The following KSR2 variants were observed in gnomAD, a reference collection of about 807,000 sequenced individuals.
KSR2 encodes kinase suppressor of ras 2.
Under a neutral mutation model 107.8 loss-of-function variants are expected in KSR2, and 25 were observed. That is an observed-to-expected ratio of 0.23 (90% CI 0.17 to 0.32). The LOEUF (loss-of-function observed/expected upper bound fraction) is 0.32. Ranked by LOEUF, KSR2 falls within the 10% of genes least tolerant of loss-of-function variation. The pLI is 1.00. For missense variants in KSR2, 887 were observed against 1,268.9 expected (o/e 0.70, Z 4.57); for synonymous variants, 480 against 507.0 (o/e 0.95, Z 0.71).
chr12:117,674,960 AG>A (rs1325936694), intron 4 of KSR2, among the ~76,000 whole-genome samples: 1 of 152,064 alleles, frequency 6.6e-6, no homozygotes, highest in East Asian at 1.9e-4. Flanking sequence ...TCTCTACCTC[AG>A]GGCCTTTGCA....
chr12:117,733,676 T>G (rs1887820339), intron 4 of KSR2, among the ~76,000 whole-genome samples: 1 of 152,172 alleles, frequency 6.6e-6, no homozygotes, highest in African/African-American at 2.4e-5. Context: ...CTTCAGAACA[T>G]TGTTCCTGGC....
intron 4 of KSR2, among the ~76,000 whole-genome samples, chr12:117,679,829 A>C (rs1175217142): frequency 6.6e-6 from 1 of 152,180 alleles, no homozygotes; most frequent in African/African-American, 2.4e-5. Context: ...CTATGGGCCA[A>C]CCAATGGCCA....
rs1871796479 is a variant in KSR2 at position 117,476,588 on chromosome 12, C to T, written c.2458G>A (p.Asp820Asn). Reference sequence around the variant, plus strand: ...CAGCCATTCTGGATGCGCAGTTTGTCCTCCCGCCTGGAGAAGCAAAGCACA... The same window carrying T: ...CAGCCATTCTGGATGCGCAGTTTGTTCTCCCGCCTGGAGAAGCAAAGCACA... Reference protein sequence around the residue: ...SGVLQAGRREDKLRIQNGWLC... With the variant: ...SGVLQAGRRENKLRIQNGWLC... Residue 820 changes from aspartate to asparagine, a missense_variant, in exon 17 of 20, where the codon GAC becomes AAC. This residue lies in a region of KSR2 where 308 missense variants were observed against 506.2 expected (regional missense o/e 0.61). Coordinates refer to ENST00000339824, the MANE Select transcript of KSR2 (RefSeq NM_173598.6). 6.2e-7 allele frequency: 1 copy of T among 1,610,510 alleles called. No individual in the cohort carries two copies. The highest frequency in any genetic ancestry group is 8.5e-7 in the Non-Finnish European group (1 of 1,178,454).
At chr12:117,584,394 G>A (rs1879869523) in intron 5 of KSR2, among the ~76,000 whole-genome samples, 1 of 152,144 alleles carries the variant, frequency 6.6e-6, no homozygotes, top group Admixed American at 6.5e-5. Flanking sequence ...TGCGAGGGGT[G>A]GGTGGGAATG....
At chr12:117,527,485 C>T (rs1875280996) in intron 12 of KSR2, among the ~76,000 whole-genome samples, 1 of 152,078 alleles carries the variant, frequency 6.6e-6, no homozygotes, top group Admixed American at 6.5e-5. Flanking sequence ...GCCTAAATGC[C>T]CTGGGTAGAT....
chr12:117,805,620 T>C (rs1430175823), intron 3 of KSR2, among the ~76,000 whole-genome samples: 1 of 152,206 alleles, frequency 6.6e-6, no homozygotes, highest in Non-Finnish European at 1.5e-5. Flanking sequence ...TTTGCTCATA[T>C]TTTAGACCCT....
At chr12:117,768,314 G>C (rs562123066) in intron 3 of KSR2, among the ~76,000 whole-genome samples, 2 of 152,294 alleles carry the variant, frequency 1.3e-5, no homozygotes, top group African/African-American at 4.8e-5. Context: ...GGGAGGGGCT[G>C]GTGCTTCTTT....
chr12:117,592,576 T>G (rs555775209), intron 5 of KSR2, among the ~76,000 whole-genome samples: 49 of 152,322 alleles, frequency 3.2e-4, no homozygotes, highest in Middle Eastern at 6.8e-3. Context: ...TCATCACCTG[T>G]GATTTATTTC....
intron 1 of KSR2, 32 bp downstream of exon 1, chr12:117,968,029 CTTTTTTTTTTTTTTT>C (rs34834989): frequency 0.026 from 17,318 of 674,734 alleles, 66 homozygotes; most frequent in Middle Eastern, 0.037. Flanking sequence ...AGAAGGATTG[CTTTTTTTTTTTTTTT>C]TTTTTTTTTT....
At chr12:117,737,914 A>G (rs1888006452) in intron 4 of KSR2, among the ~76,000 whole-genome samples, 1 of 152,038 alleles carries the variant, frequency 6.6e-6, no homozygotes, top group Non-Finnish European at 1.5e-5. Flanking sequence ...ATAATTTTAA[A>G]TGTTTAAGGT....
chr12:117,513,604 C>A (rs887123944), intron 14 of KSR2, among the ~76,000 whole-genome samples: 18 of 152,180 alleles, frequency 1.2e-4, no homozygotes, highest in African/African-American at 4.1e-4. Context: ...GTGGTTTGGA[C>A]AATGAACCTG....
At chr12:117,660,048 G>A (rs1372053037) in intron 5 of KSR2, among the ~76,000 whole-genome samples, 1 of 152,090 alleles carries the variant, frequency 6.6e-6, no homozygotes, top group Non-Finnish European at 1.5e-5. Context: ...CCCTTTTCAG[G>A]TACTTCTCAG....
chr12:117,686,859 A>G (rs79941106), intron 4 of KSR2, among the ~76,000 whole-genome samples: 6,609 of 152,228 alleles, frequency 0.043, 193 homozygotes, highest in East Asian at 0.14. Context: ...TCAATCTATG[A>G]TTCTATGAGA....
intron 4 of KSR2, among the ~76,000 whole-genome samples, chr12:117,701,573 T>C (rs562585234): frequency 2.0e-4 from 30 of 152,320 alleles, no homozygotes; most frequent in African/African-American, 7.0e-4. Flanking sequence ...TGTTGCCTTA[T>C]TTGGGGCAAA....
At chr12:117,482,319 A>G (rs1448006708) in intron 16 of KSR2, among the ~76,000 whole-genome samples, 1 of 152,220 alleles carries the variant, frequency 6.6e-6, no homozygotes, top group Non-Finnish European at 1.5e-5. Flanking sequence ...TTGCACCTAC[A>G]GGACAAACCG....
At chr12:117,531,757 C>T (rs1184707833) in intron 10 of KSR2, 50 bp from the exon 11 acceptor site, 8 of 1,446,830 alleles carry the variant, frequency 5.5e-6, no homozygotes, top group Admixed American at 2.0e-5. Context: ...GGAGACATCG[C>T]TTCAGGGACC....
intron 3 of KSR2, among the ~76,000 whole-genome samples, chr12:117,811,493 C>A (rs1891189554): frequency 6.6e-6 from 1 of 152,208 alleles, no homozygotes; most frequent in African/African-American, 2.4e-5. Flanking sequence ...TGAAGCCCAG[C>A]GATCTGTGTT....
chr12:117,767,526 C>T (rs1395026753), intron 3 of KSR2, among the ~76,000 whole-genome samples: 1 of 151,904 alleles, frequency 6.6e-6, no homozygotes, highest in African/African-American at 2.4e-5. Context: ...AGAGGCTGGG[C>T]ACAGTGGTTC....
chr12:117,702,736 C>T (rs774413797), intron 4 of KSR2, among the ~76,000 whole-genome samples: 2 of 152,092 alleles, frequency 1.3e-5, no homozygotes, highest in African/African-American at 2.4e-5. Flanking sequence ...TCCCAGACAC[C>T]GAGCCAAAGT....
Sources: gnomAD v4.1 joint callset for allele counts (sites outside exome capture counted in the v4.1 genomes callset) on GRCh38, gnomAD v4.1.1 for gene constraint, gnomAD v4.1.1 regional missense constraint, MANE v1.5 for transcripts, NCBI Gene and HGNC (gene_info 2026-07-23, HGNC 2026-07-21) for gene names.